Variants in UGT8 observed in about 807,000 individuals in gnomAD.
UGT8 encodes the protein UDP glycosyltransferase 8, also known as 2-hydroxyacylsphingosine 1-beta-galactosyltransferase.
In UGT8, 12 loss-of-function variants were observed where a neutral mutation model predicts 40.5. The observed-to-expected ratio is 0.30, with a 90% CI of 0.19 to 0.48. The LOEUF (loss-of-function observed/expected upper bound fraction) is 0.48. Among genes scored for constraint, UGT8 ranks in the 20% least tolerant of loss-of-function variants. UGT8 has a pLI of 0.99. For synonymous variants in UGT8, 224 were observed against 240.4 expected, an observed-to-expected ratio of 0.93 and a Z score of 0.63; for missense variants, 513 against 648.7, an observed-to-expected ratio of 0.79 and a Z score of 2.27.
chr4:114,648,426 T>C (rs1474345885), intron 2 of UGT8, among the ~76,000 whole-genome samples: 1 of 151,336 alleles, frequency 6.6e-6, no homozygotes, highest in Non-Finnish European at 1.5e-5. Flanking sequence ...TAATGAATGG[T>C]ATTTAGGCTG....
chr4:114,608,345 C>G (rs996033011), intron 1 of UGT8, among the ~76,000 whole-genome samples: 8 of 152,162 alleles, frequency 5.3e-5, no homozygotes, highest in Admixed American at 2.0e-4. Context: ...AGTCTCTTGT[C>G]TCCTCATACA....
intron 3 of UGT8, 93 bp downstream of exon 3, chr4:114,664,230 CCCTG>C: frequency 1.4e-6 from 2 of 1,391,856 alleles, no homozygotes; most frequent in Non-Finnish European, 2.0e-6. Context: ...CACATTGTTT[CCCTG>C]ACAAGATTAG....
At chr4:114,602,194 TA>T (rs34723146) in intron 1 of UGT8, among the ~76,000 whole-genome samples, 3 of 152,058 alleles carry the variant, frequency 2.0e-5, no homozygotes, top group Admixed American at 2.0e-4. Flanking sequence ...AAGCAGCCTT[TA>T]AAAAAAAGTT....
In UGT8 at chr4:114,676,204, A is replaced by G. The variant is rs1735636070; in HGVS notation, c.1542A>G (p.Thr514=). The G allele has an allele frequency of 1.2e-6, 2 of 1,614,026 alleles. No homozygotes were observed. The highest frequency in any genetic ancestry group is 8.5e-7 in the Non-Finnish European group (1 of 1,180,008). ...KSLWSRNKHS[T]VNGHYHNGIL... The stretch of plus-strand genomic sequence containing the variant: ...TGTGGTCTAGAAATAAGCATAGCAC[A>G]GTTAATGGACATTACCACAATGGAA... Residue 514 remains threonine (T), a synonymous_variant, in exon 6 of 6, where the codon ACA becomes ACG. Coordinates refer to ENST00000310836, the MANE Select transcript of UGT8 (RefSeq NM_001128174.3).
chr4:114,616,866 G>A (rs1275744966), intron 1 of UGT8, among the ~76,000 whole-genome samples: 1 of 152,104 alleles, frequency 6.6e-6, no homozygotes, highest in East Asian at 1.9e-4. Flanking sequence ...GGGTGTTCCT[G>A]TATCAAATTT....
At position 114,623,453 on chromosome 4, in the gene UGT8, G is replaced by T. The variant is rs61733374; in HGVS notation, c.573G>T (p.Leu191=). Reference sequence around the variant, plus strand: ...TCCTCACAGACCGCATGAACTTGCTGCAAAGGATGAAAAATACCGGTGTTT... The same window carrying T: ...TCCTCACAGACCGCATGAACTTGCTTCAAAGGATGAAAAATACCGGTGTTT... ...NSLLTDRMNL[L]QRMKNTGVYL... Residue 191 remains leucine, a synonymous_variant, in exon 2 of 6, where the codon CTG becomes CTT. Coordinates refer to ENST00000310836, the MANE Select transcript of UGT8 (RefSeq NM_001128174.3). The T allele has an allele frequency of 1.1e-4, 174 of 1,614,184 alleles. No homozygotes were observed. In the African/African-American group the frequency reaches 2.0e-3, roughly 19 times the overall value.
At chr4:114,637,372 C>T (rs535014329) in intron 2 of UGT8, among the ~76,000 whole-genome samples, 245 of 152,216 alleles carry the variant, frequency 1.6e-3, no homozygotes, top group African/African-American at 5.6e-3. Flanking sequence ...TTAGACTGTA[C>T]ATATTTTGTT....
At chr4:114,643,513 A>G (rs10026197) in intron 2 of UGT8, among the ~76,000 whole-genome samples, 152,230 of 152,326 alleles carry the variant, frequency 1, 76,067 homozygotes, top group Non-Finnish European at 1. Flanking sequence ...ATACTAGTTA[A>G]CCTTTAAATA....
At chr4:114,634,355 A>G (rs947322408) in intron 2 of UGT8, among the ~76,000 whole-genome samples, 1 of 152,192 alleles carries the variant, frequency 6.6e-6, no homozygotes, top group African/African-American at 2.4e-5. Flanking sequence ...AATGCTGGGT[A>G]TTCAGTTGTG....
intron 2 of UGT8, among the ~76,000 whole-genome samples, chr4:114,643,316 T>C (rs1323609499): frequency 6.6e-6 from 1 of 152,186 alleles, no homozygotes; most frequent in African/African-American, 2.4e-5. Flanking sequence ...TGCACCTAAA[T>C]AAGCCACTTG....
At chr4:114,662,530 T>C (rs1734603746) in intron 2 of UGT8, among the ~76,000 whole-genome samples, 1 of 152,200 alleles carries the variant, frequency 6.6e-6, no homozygotes, top group Non-Finnish European at 1.5e-5. Flanking sequence ...TGGTAAGGTT[T>C]TCTTCCCTAC....
At chr4:114,637,433 C>T (rs962446864) in intron 2 of UGT8, among the ~76,000 whole-genome samples, 8 of 152,076 alleles carry the variant, frequency 5.3e-5, no homozygotes, top group Non-Finnish European at 8.8e-5. Context: ...AATGAAGTTG[C>T]GATTTCCTGA....
Position 114,615,591 on chromosome 4 carries a change from A to G in UGT8, c.-2-7288A>G, listed in dbSNP as rs531103804. Among the ~76,000 whole-genome samples, 331 of 152,322 alleles carry G rather than the reference A, an allele frequency of 2.2e-3. 3 individuals carry two copies. The highest frequency in any genetic ancestry group is 6.9e-3 in the Admixed American group (106 of 15,304). ...GGCAGGGCTGGTGTTATGGTTTTGC[A>G]GTCTCAGGACCCAAGTGTCTTTGTT... is the stretch of plus-strand genomic sequence containing the variant. On this transcript the variant is annotated intron_variant, in intron 1 of 5. Transcript: ENST00000310836.
intron 1 of UGT8, among the ~76,000 whole-genome samples, chr4:114,613,706 GTC>G (rs950169839): frequency 2.0e-5 from 3 of 152,162 alleles, no homozygotes; most frequent in African/African-American, 7.2e-5. Context: ...ATCCCTATCT[GTC>G]AGTTCGGTGG....
intron 1 of UGT8, among the ~76,000 whole-genome samples, chr4:114,600,497 CT>C (rs1730379648): frequency 6.6e-6 from 1 of 152,092 alleles, no homozygotes; most frequent in Non-Finnish European, 1.5e-5. Context: ...AGAAAGTGCC[CT>C]TTTTTCTTTT....
intron 1 of UGT8, among the ~76,000 whole-genome samples, chr4:114,610,654 C>T (rs1183558277): frequency 2.0e-5 from 3 of 152,042 alleles, no homozygotes; most frequent in African/African-American, 7.2e-5. Context: ...CTAATACAAC[C>T]TTGTCCTAGT....
Position 114,663,544 on chromosome 4 carries a change from C to T in UGT8, c.823-451C>T, listed in dbSNP as rs1383901748. 2.0e-5 allele frequency among the ~76,000 whole-genome samples: 3 copies of T among 151,778 alleles called. 1 individual carries two copies. The highest frequency in any genetic ancestry group is 1.3e-4 in the Admixed American group (2 of 15,256). On this transcript the variant is annotated intron_variant, in intron 2 of 5. Coordinates refer to ENST00000310836, the MANE Select transcript of UGT8 (RefSeq NM_001128174.3). ...TAAGGATGGTATTTCTTAAAATGAA[C>T]TGCTTTGATTTTCAACACAAATCAA...
chr4:114,657,030 C>T (rs1335992231), intron 2 of UGT8, among the ~76,000 whole-genome samples: 2 of 152,030 alleles, frequency 1.3e-5, no homozygotes, highest in African/African-American at 4.8e-5. Flanking sequence ...GTCCATTAAT[C>T]AAATTTCTTT....
intron 1 of UGT8, among the ~76,000 whole-genome samples, chr4:114,604,458 T>C (rs549469321): frequency 1.4e-5 from 1 of 70,918 alleles, no homozygotes; most frequent in Non-Finnish European, 2.5e-5. Flanking sequence ...GTTTGTTTGC[T>C]TTTTTTTTTT....
Sources: allele counts gnomAD v4.1 joint callset (sites outside exome capture counted in the v4.1 genomes callset), GRCh38; gene constraint gnomAD v4.1.1; transcripts MANE v1.5; gene names NCBI Gene and HGNC (gene_info 2026-07-23, HGNC 2026-07-21).